DNAH8: variants seen among roughly 807,000 people sequenced by gnomAD.
DNAH8 encodes the protein axonemal beta dynein heavy chain 8.
In DNAH8, 382 loss-of-function variants were observed where a neutral mutation model predicts 562.1. That is an observed-to-expected ratio of 0.68 (90% CI 0.63 to 0.74). The LOEUF is 0.74. Ranked by LOEUF, DNAH8 falls within the 30% of genes least tolerant of loss-of-function variation. DNAH8 has a pLI of 0.00. For synonymous variants in DNAH8, 1,881 were observed against 1,919.4 expected, an observed-to-expected ratio of 0.98 and a Z score of 0.52; for missense variants, 5,203 against 5,620.4, an observed-to-expected ratio of 0.93 and a Z score of 2.37.
intron 91 of DNAH8, among the ~76,000 whole-genome samples, chr6:39,018,257 T>C (rs1037352267): frequency 2.0e-5 from 3 of 152,192 alleles, no homozygotes; most frequent in African/African-American, 7.2e-5. Context: ...TTACCTTCCT[T>C]AGCAACCACC....
At chr6:38,995,960 G>A (rs1487894114) in intron 88 of DNAH8, among the ~76,000 whole-genome samples, 1 of 152,182 alleles carries the variant, frequency 6.6e-6, no homozygotes, top group Non-Finnish European at 1.5e-5. Flanking sequence ...ACTGTTATAT[G>A]GTGGTTATAC....
intron 3 of DNAH8, among the ~76,000 whole-genome samples, chr6:38,724,953 G>A (rs1582830612): frequency 6.6e-6 from 1 of 152,024 alleles, no homozygotes; most frequent in Non-Finnish European, 1.5e-5. Flanking sequence ...CATCAAACAT[G>A]GGCAAAACTC....
At chr6:38,934,998 T>C (rs1301845467) in intron 76 of DNAH8, among the ~76,000 whole-genome samples, 1 of 152,218 alleles carries the variant, frequency 6.6e-6, no homozygotes, top group Non-Finnish European at 1.5e-5. Context: ...ATTTTAAAAA[T>C]ATATCATTTT....
intron 42 of DNAH8, 148 bp downstream of exon 42, chr6:38,857,890 T>A: frequency 3.3e-6 from 2 of 612,226 alleles, no homozygotes; most frequent in East Asian, 5.5e-5. Context: ...ATTGTATTTC[T>A]GTATTGGATG....
intron 24 of DNAH8, among the ~76,000 whole-genome samples, chr6:38,810,327 C>T (rs1049317670): frequency 6.6e-6 from 1 of 152,162 alleles, no homozygotes; most frequent in African/African-American, 2.4e-5. Context: ...CGCAGTGGCT[C>T]ACCTCTGTAA....
intron 21 of DNAH8, among the ~76,000 whole-genome samples, chr6:38,801,962 G>C (rs1403121982): frequency 1.4e-5 from 2 of 139,014 alleles, no homozygotes; most frequent in Admixed American, 1.5e-4. Context: ...TTTTTTTTTT[G>C]AGACAGGGTC....
chr6:38,878,689 A>G (rs1371683890), intron 53 of DNAH8, among the ~76,000 whole-genome samples: 1 of 152,214 alleles, frequency 6.6e-6, no homozygotes, highest in Non-Finnish European at 1.5e-5. Context: ...ATTAGAAACA[A>G]CTTTGCAAGA....
chr6:38,950,539 A>C lies in DNAH8; in HGVS notation c.12249-779A>C, dbSNP rs937057895. ...ACTGTAAGCTCCGCCTCCCGGGTTC[A>C]CTCCAGTCTCCTGCCTCAGCCTCCT... is the stretch of plus-strand genomic sequence containing the variant. On this transcript the variant is annotated intron_variant, in intron 81 of 92. Coordinates refer to ENST00000327475, the MANE Select transcript of DNAH8 (RefSeq NM_001206927.2). Among the ~76,000 whole-genome samples the C allele has an allele frequency of 5.3e-5, 8 of 150,902 alleles. No homozygotes were observed. The South Asian group carries it at 1.7e-3, about 32-fold the overall frequency.
intron 63 of DNAH8, among the ~76,000 whole-genome samples, chr6:38,906,984 T>A (rs1780529356): frequency 6.6e-6 from 1 of 152,058 alleles, no homozygotes; most frequent in Non-Finnish European, 1.5e-5. Flanking sequence ...GATTTGGGGG[T>A]GCTCAACCAG....
At position 38,906,313 on chromosome 6, in the gene DNAH8, C is replaced by G; in HGVS notation, c.9254C>G (p.Ala3085Gly). The G allele has an allele frequency of 6.2e-7, 1 of 1,609,428 alleles. No homozygotes were observed. The highest frequency in any genetic ancestry group is 8.5e-7 in the Non-Finnish European group (1 of 1,176,844). ...AAAGCTTTGTACAAAGTTGCTGGTG[C>G]TGATGGAAAAGGCATCACTTTCATC... ...DLKALYKVAG[A>G]DGKGITFIFT... Residue 3085 changes from alanine to glycine, a missense_variant, in exon 63 of 93, where the codon GCT (alanine) becomes GGT (glycine). This residue lies in a region of DNAH8 where 977 missense variants were observed against 1,061.8 expected (regional missense o/e 0.92). Transcript: ENST00000327475.
intron 20 of DNAH8, 54 bp from the exon 21 acceptor site, chr6:38,791,501 C>A: frequency 6.5e-7 from 1 of 1,547,060 alleles, no homozygotes; most frequent in Non-Finnish European, 8.7e-7. Flanking sequence ...TGGATGAAAA[C>A]CTAGCTCTAA....
chr6:38,989,478 G>C (rs1460531731), intron 87 of DNAH8, among the ~76,000 whole-genome samples: 2 of 152,186 alleles, frequency 1.3e-5, no homozygotes, highest in Non-Finnish European at 2.9e-5. Context: ...ATGTGGACAG[G>C]GACATAATTA....
intron 82 of DNAH8, among the ~76,000 whole-genome samples, chr6:38,959,743 A>T (rs185957325): frequency 3.6e-4 from 55 of 152,210 alleles, no homozygotes; most frequent in Middle Eastern, 3.4e-3. Flanking sequence ...TACCAATGTC[A>T]TTGTTTATGG....
intron 48 of DNAH8, among the ~76,000 whole-genome samples, chr6:38,868,622 A>G (rs1056019243): frequency 6.6e-6 from 1 of 152,138 alleles, no homozygotes; most frequent in African/African-American, 2.4e-5. Flanking sequence ...AAACACATTG[A>G]AAATTTGCTG....
chr6:38,950,738 CAGGGCT>C (rs1761843502), intron 81 of DNAH8, among the ~76,000 whole-genome samples: 1 of 152,018 alleles, frequency 6.6e-6, no homozygotes, highest in African/African-American at 2.4e-5. Context: ...CGTGCCTGGC[CAGGGCT>C]ACTTAGTTTT....
chr6:38,890,057 A>G (rs1338917350), intron 57 of DNAH8, among the ~76,000 whole-genome samples: 1 of 152,136 alleles, frequency 6.6e-6, no homozygotes, highest in Non-Finnish European at 1.5e-5. Context: ...AGTCATAATG[A>G]TGGTCAGACC....
intron 36 of DNAH8, among the ~76,000 whole-genome samples, chr6:38,847,029 C>A (rs1775355356): frequency 6.6e-6 from 1 of 152,160 alleles, no homozygotes; most frequent in Admixed American, 6.5e-5. Flanking sequence ...TAACCACAGA[C>A]TGACCTAGTA....
intron 4 of DNAH8, among the ~76,000 whole-genome samples, chr6:38,732,768 G>A (rs1035967122): frequency 6.6e-6 from 1 of 152,094 alleles, no homozygotes; most frequent in Non-Finnish European, 1.5e-5. Context: ...CCTTTACAGA[G>A]CCCTGGCACT....
At chr6:38,971,295 T>G (rs561148655) in intron 82 of DNAH8, among the ~76,000 whole-genome samples, 1 of 152,274 alleles carries the variant, frequency 6.6e-6, no homozygotes. Context: ...CCACCATTGA[T>G]CTTGTTCCTC....
Sources: allele counts gnomAD v4.1 joint callset (sites outside exome capture counted in the v4.1 genomes callset), GRCh38; gene constraint gnomAD v4.1.1; regional missense constraint gnomAD v4.1.1; transcripts MANE v1.5; gene names NCBI Gene and HGNC (gene_info 2026-07-23, HGNC 2026-07-21).